The following CYP19A1 variants were observed in gnomAD, a reference collection of about 807,000 sequenced individuals.
The protein encoded by CYP19A1 is aromatase.
CYP19A1 carries 32 observed loss-of-function variants against 44.4 expected under a neutral mutation model. The ratio of observed to expected loss-of-function variants is 0.72; its 90% CI spans 0.54 to 0.97. The LOEUF (loss-of-function observed/expected upper bound fraction) is 0.97, where lower values mean the gene tolerates loss of function less well. Ranked by LOEUF, CYP19A1 falls within the 50% of genes least tolerant of loss-of-function variation. CYP19A1 has a pLI of 0.00. For missense variants in CYP19A1, 598 were observed against 637.8 expected (o/e 0.94, Z 0.67); for synonymous variants, 212 against 215.6 (o/e 0.98, Z 0.14).
chr15:51,327,921 G>C (rs2141028014), intron 1 of CYP19A1, among the ~76,000 whole-genome samples: 1 of 151,956 alleles, frequency 6.6e-6, no homozygotes, highest in South Asian at 2.1e-4. Context: ...TTATAATCAA[G>C]AAAGAAAGAA....
intron 1 of CYP19A1, among the ~76,000 whole-genome samples, chr15:51,283,905 A>C (rs529950147): frequency 1.3e-5 from 2 of 152,336 alleles, no homozygotes; most frequent in East Asian, 3.9e-4. Flanking sequence ...TTTGCAGCAC[A>C]ATTACCATCT....
intron 1 of CYP19A1, chr15:51,318,589 G>A (rs940002094): frequency 6.6e-6 from 1 of 152,236 alleles, no homozygotes; most frequent in Non-Finnish European, 1.5e-5. Flanking sequence ...GCAGGCCTCT[G>A]CCTTCTGTGA....
intron 1 of CYP19A1, among the ~76,000 whole-genome samples, chr15:51,264,055 A>G (rs2034827956): frequency 6.6e-6 from 1 of 152,240 alleles, no homozygotes; most frequent in African/African-American, 2.4e-5. Context: ...TGAGCTAGAT[A>G]CAAAAGAAAA....
chr15:51,285,355 C>A (rs1433719796), intron 1 of CYP19A1, among the ~76,000 whole-genome samples: 1 of 152,224 alleles, frequency 6.6e-6, no homozygotes, highest in Non-Finnish European at 1.5e-5. Context: ...AGTTGGATCA[C>A]CAACTGGCAA....
At chr15:51,212,173 T>C (rs1472890665) in intron 9 of CYP19A1, 147 bp downstream of exon 9, 2 of 742,390 alleles carry the variant, frequency 2.7e-6, no homozygotes, top group Admixed American at 3.6e-5. Flanking sequence ...TGCTCCAAGC[T>C]AGGGGACGTG....
At chr15:51,237,100 TAA>T (rs2033449924) in intron 2 of CYP19A1, 91 bp from the exon 3 acceptor site, 5 of 1,401,842 alleles carry the variant, frequency 3.6e-6, no homozygotes, top group Non-Finnish European at 5.0e-6. Flanking sequence ...CTTTTATAGC[TAA>T]GTGTTCTTTA....
intron 1 of CYP19A1, among the ~76,000 whole-genome samples, chr15:51,289,524 C>T (rs576531386): frequency 6.6e-6 from 1 of 152,230 alleles, no homozygotes; most frequent in Admixed American, 6.5e-5. Flanking sequence ...GGCTTTTAAA[C>T]CAACCTGTCT....
At chr15:51,315,336 A>G (rs2036405052) in intron 1 of CYP19A1, among the ~76,000 whole-genome samples, 1 of 152,078 alleles carries the variant, frequency 6.6e-6, no homozygotes, top group Non-Finnish European at 1.5e-5. Flanking sequence ...TAGCTCACAC[A>G]TACTCAGTCT....
At chr15:51,282,993 G>A (rs1392485591) in intron 1 of CYP19A1, among the ~76,000 whole-genome samples, 1 of 152,214 alleles carries the variant, frequency 6.6e-6, no homozygotes, top group Non-Finnish European at 1.5e-5. Flanking sequence ...GGACTATGGA[G>A]TTGGATGAAT....
chr15:51,281,573 C>G (rs1360883568), intron 1 of CYP19A1, among the ~76,000 whole-genome samples: 1 of 152,162 alleles, frequency 6.6e-6, no homozygotes, highest in African/African-American at 2.4e-5. Flanking sequence ...AGCACAACCG[C>G]CTTCTTCAGC....
At chr15:51,245,692 C>T (rs1033440124) in intron 1 of CYP19A1, among the ~76,000 whole-genome samples, 1 of 152,226 alleles carries the variant, frequency 6.6e-6, no homozygotes, top group African/African-American at 2.4e-5. Context: ...ACAACCCCAT[C>T]AAAAAGAATA....
intron 2 of CYP19A1, 47 bp from the exon 3 acceptor site, chr15:51,237,056 A>G (rs1327841914): frequency 1.2e-6 from 2 of 1,610,936 alleles, no homozygotes; most frequent in South Asian, 1.1e-5. Context: ...TACACCAAAA[A>G]TTGCAACTGT....
intron 1 of CYP19A1, among the ~76,000 whole-genome samples, chr15:51,331,179 A>T (rs747326166): frequency 6.6e-6 from 1 of 152,180 alleles, no homozygotes; most frequent in African/African-American, 2.4e-5. Flanking sequence ...TAAAGCTGAC[A>T]TTGGAAATGG....
At chr15:51,236,436 G>C (rs1161383702) in intron 3 of CYP19A1, among the ~76,000 whole-genome samples, 1 of 152,050 alleles carries the variant, frequency 6.6e-6, no homozygotes, top group Non-Finnish European at 1.5e-5. Flanking sequence ...GTGATGTCTC[G>C]GGTTTTATTT....
At chr15:51,272,078 T>C (rs1209852835) in intron 1 of CYP19A1, among the ~76,000 whole-genome samples, 1 of 152,218 alleles carries the variant, frequency 6.6e-6, no homozygotes, top group Non-Finnish European at 1.5e-5. Context: ...GCTGACACTT[T>C]TGCACAACCC....
intron 1 of CYP19A1, chr15:51,277,950 A>G (rs1034811288): frequency 7.0e-6 from 1 of 143,434 alleles, no homozygotes; most frequent in African/African-American, 2.7e-5. Context: ...CAATAGTTGC[A>G]TGAGTTTTTT....
intron 1 of CYP19A1, among the ~76,000 whole-genome samples, chr15:51,336,320 C>G (rs1334395971): frequency 6.6e-6 from 1 of 152,102 alleles, no homozygotes; most frequent in Non-Finnish European, 1.5e-5. Context: ...CACCCAATTA[C>G]CATTTGCTGA....
At chr15:51,234,783 G>C (rs928232942) in intron 3 of CYP19A1, among the ~76,000 whole-genome samples, 1 of 152,174 alleles carries the variant, frequency 6.6e-6, no homozygotes, top group African/African-American at 2.4e-5. Flanking sequence ...ACTGATGCCT[G>C]AGTCCTACCC....
rs10459592 is a variant in CYP19A1 at position 51,243,944 on chromosome 15, T to G, written c.-38-994A>C. On this transcript the variant is annotated intron_variant, in intron 1 of 9. Coordinates refer to ENST00000396402, the MANE Select transcript of CYP19A1 (RefSeq NM_000103.4). Reference sequence around the variant, plus strand: ...GAGGTGTAGGTTGAACAAACTTGTATAGTGAGGAAAGAGTGAGTCATCATT... The same window carrying G: ...GAGGTGTAGGTTGAACAAACTTGTAGAGTGAGGAAAGAGTGAGTCATCATT... 0.49 allele frequency among the ~76,000 whole-genome samples: 75,053 copies of G among 151,996 alleles called. 19,168 individuals are homozygous for G. The highest frequency in any genetic ancestry group is 0.56 in the Non-Finnish European group (38,385 of 67,938).
Sources: allele counts gnomAD v4.1 joint callset (sites outside exome capture counted in the v4.1 genomes callset), GRCh38; gene constraint gnomAD v4.1.1; transcripts MANE v1.5; gene names NCBI Gene and HGNC (gene_info 2026-07-23, HGNC 2026-07-21).